SPINK8: variants seen among roughly 807,000 people sequenced by gnomAD.
The protein encoded by SPINK8 is serine peptidase inhibitor Kazal type 8 (putative).
A neutral mutation model predicts 14.4 loss-of-function variants in SPINK8; 12 were observed. The ratio of observed to expected loss-of-function variants is 0.83; its 90% CI spans 0.53 to 1.35. The LOEUF is 1.35. SPINK8 is among the 40% of genes most tolerant of loss of function. SPINK8 has a pLI of 0.00. For synonymous variants in SPINK8, 32 were observed against 37.6 expected, an observed-to-expected ratio of 0.85 and a Z score of 0.55; for missense variants, 103 against 117.0, an observed-to-expected ratio of 0.88 and a Z score of 0.55.
chr3:48,310,565 TC>T (rs34109387), intron 6 of SPINK8, among the ~76,000 whole-genome samples: 32,550 of 151,312 alleles, frequency 0.22, 4,306 homozygotes, highest in South Asian at 0.3. Context: ...TGGCACGATC[TC>T]AGCTCACTGC....
chr3:48,309,878 T>TA, intron 7 of SPINK8, 26 bp downstream of exon 7: 1 of 1,450,460 alleles, frequency 6.9e-7, no homozygotes, highest in Non-Finnish European at 9.1e-7. Context: ...CTTCTAAAAA[T>TA]AAAAAATAAA....
At chr3:48,327,426 G>T (rs2036161007) in intron 4 of SPINK8, among the ~76,000 whole-genome samples, 1 of 152,174 alleles carries the variant, frequency 6.6e-6, no homozygotes, top group Admixed American at 6.6e-5. Context: ...ACAAGAACAA[G>T]GAAAGGGTGA....
chr3:48,307,037 T>C (rs1173443272), intron 7 of SPINK8, 34 bp from the exon 8 acceptor site: 1 of 1,608,656 alleles, frequency 6.2e-7, no homozygotes, highest in East Asian at 2.2e-5. Context: ...AGAAATCAAA[T>C]TTGAGGAAGT....
chr3:48,326,998 A>G (rs1256935029), intron 4 of SPINK8, among the ~76,000 whole-genome samples: 1 of 152,212 alleles, frequency 6.6e-6, no homozygotes, highest in Non-Finnish European at 1.5e-5. Flanking sequence ...CACTCCTGAC[A>G]CATAACCCAT....
At chr3:48,321,462 T>C (rs1280370954) in intron 4 of SPINK8, among the ~76,000 whole-genome samples, 1 of 151,380 alleles carries the variant, frequency 6.6e-6, no homozygotes, top group Non-Finnish European at 1.5e-5. Flanking sequence ...TACATATGTA[T>C]ATAAAATTTT....
At chr3:48,316,783 GAATA>G (rs982211955) in intron 6 of SPINK8, among the ~76,000 whole-genome samples, 2 of 151,724 alleles carry the variant, frequency 1.3e-5, no homozygotes, top group African/African-American at 4.8e-5. Context: ...ATAAATAAAT[GAATA>G]AATAAAAGAA....
At chr3:48,318,383 C>T (rs1392759183) in intron 6 of SPINK8, among the ~76,000 whole-genome samples, 4 of 152,144 alleles carry the variant, frequency 2.6e-5, no homozygotes, top group African/African-American at 7.2e-5. Flanking sequence ...TCAGGTGATC[C>T]GCCCACCTCG....
At chr3:48,312,718 GC>G (rs1453315592) in intron 6 of SPINK8, among the ~76,000 whole-genome samples, 4 of 152,166 alleles carry the variant, frequency 2.6e-5, no homozygotes, top group Non-Finnish European at 4.4e-5. Context: ...GATCAATGGG[GC>G]CGGGCGTGGT....
chr3:48,311,078 C>CAA (rs144096295), intron 6 of SPINK8, among the ~76,000 whole-genome samples: 2,548 of 148,936 alleles, frequency 0.017, 37 homozygotes, highest in Non-Finnish European at 0.026. Flanking sequence ...CAGAGCGTTT[C>CAA]AAAAAAAAAA....
chr3:48,315,281 A>C (rs1350518321), intron 6 of SPINK8, among the ~76,000 whole-genome samples: 2 of 152,232 alleles, frequency 1.3e-5, no homozygotes, highest in Non-Finnish European at 2.9e-5. Context: ...CAAAATATTC[A>C]ATTTTCAACA....
chr3:48,323,916 G>A (rs2036106866), intron 4 of SPINK8, among the ~76,000 whole-genome samples: 1 of 149,978 alleles, frequency 6.7e-6, no homozygotes, highest in African/African-American at 2.4e-5. Flanking sequence ...AAATTGAAAA[G>A]TGTGAGTACT....
intron 6 of SPINK8, among the ~76,000 whole-genome samples, chr3:48,317,003 G>A (rs756477725): frequency 1.0e-3 from 153 of 152,324 alleles, no homozygotes; most frequent in Admixed American, 2.2e-3. Context: ...GAAATAAAGA[G>A]CCAGTTAAAG....
chr3:48,312,807 G>T (rs950854438), intron 6 of SPINK8, among the ~76,000 whole-genome samples: 2 of 152,040 alleles, frequency 1.3e-5, no homozygotes, highest in African/African-American at 4.8e-5. Context: ...GACCAGCCTG[G>T]CCAGCATGGT....
intron 4 of SPINK8, among the ~76,000 whole-genome samples, chr3:48,328,057 G>C (rs868788301): frequency 3.3e-5 from 5 of 152,208 alleles, no homozygotes; most frequent in South Asian, 2.1e-4. Flanking sequence ...ATTTTGGGAA[G>C]TTCAATGTTC....
chr3:48,323,581 A>G (rs769465296), intron 4 of SPINK8, among the ~76,000 whole-genome samples: 3 of 152,166 alleles, frequency 2.0e-5, no homozygotes, highest in Non-Finnish European at 4.4e-5. Context: ...TAGCTCTTAC[A>G]TTTAGTTCTG....
intron 2 of SPINK8, among the ~76,000 whole-genome samples, 135 bp from the exon 3 acceptor site, chr3:48,329,409 G>A (rs1185990621): frequency 1.3e-5 from 2 of 152,174 alleles, no homozygotes; most frequent in Non-Finnish European, 2.9e-5. Flanking sequence ...GATATGTACT[G>A]TCCAGTACTA....
intron 6 of SPINK8, among the ~76,000 whole-genome samples, chr3:48,317,355 G>C (rs1443194296): frequency 6.6e-6 from 1 of 152,106 alleles, no homozygotes; most frequent in Non-Finnish European, 1.5e-5. Context: ...AGGTGTGTTG[G>C]TGTGCGCCTG....
chr3:48,324,495 T>C (rs2036114131), intron 4 of SPINK8, among the ~76,000 whole-genome samples: 1 of 152,174 alleles, frequency 6.6e-6, no homozygotes, highest in South Asian at 2.1e-4. Context: ...TTACCCTGGC[T>C]TGAACCTCCA....
intron 5 of SPINK8, 132 bp downstream of exon 5, chr3:48,320,893 A>G: frequency 1.2e-6 from 1 of 818,910 alleles, no homozygotes; most frequent in South Asian, 1.9e-5. Context: ...TTGGTGACTC[A>G]GCTTTTATTG....
Sources: gnomAD v4.1 joint callset for allele counts (sites outside exome capture counted in the v4.1 genomes callset) on GRCh38, gnomAD v4.1.1 for gene constraint, MANE v1.5 for transcripts, NCBI Gene and HGNC (gene_info 2026-07-23, HGNC 2026-07-21) for gene names.